Variants in SETBP1 observed in about 807,000 individuals in gnomAD.
SETBP1 encodes the protein SET-binding protein.
In SETBP1, 9 loss-of-function variants were observed where a neutral mutation model predicts 101.0. The ratio of observed to expected loss-of-function variants is 0.09; its 90% CI spans 0.05 to 0.16. SETBP1 has a LOEUF of 0.16. SETBP1 is among the 10% of genes least tolerant of loss of function. The pLI is 1.00. For synonymous variants in SETBP1, 818 were observed against 788.5 expected (o/e 1.04, Z -0.63); for missense variants, 1,858 against 2,033.8 (o/e 0.91, Z 1.66).
At chr18:45,010,396 A>G (rs913398787) in intron 4 of SETBP1, among the ~76,000 whole-genome samples, 1 of 152,222 alleles carries the variant, frequency 6.6e-6, no homozygotes, top group Admixed American at 6.5e-5. Context: ...ACTTTTGTAA[A>G]TTACATATGT....
At chr18:44,832,700 A>C (rs887414080) in intron 2 of SETBP1, among the ~76,000 whole-genome samples, 19 of 152,136 alleles carry the variant, frequency 1.2e-4, no homozygotes, top group Admixed American at 9.8e-4. Flanking sequence ...TGGGCCCACC[A>C]GGTTCTCATT....
rs1022819626 is a variant in SETBP1 at position 44,930,296 on chromosome 18, G to A, written c.541-19585G>A. ...TCCCAGGGATGAAGCCAACTTGATCGTGGTGGATAAGCTTTTTGATGTGCT... is the reference window on the plus strand; with the variant it reads ...TCCCAGGGATGAAGCCAACTTGATCATGGTGGATAAGCTTTTTGATGTGCT... On this transcript the variant is annotated intron_variant, in intron 3 of 5. Transcript: ENST00000649279. Among the ~76,000 whole-genome samples the A allele has an allele frequency of 7.9e-5, 12 of 152,262 alleles. No homozygotes were observed. In the South Asian group the frequency reaches 1.0e-3, roughly 13 times the overall value.
chr18:44,776,318 C>A (rs554932651), intron 2 of SETBP1, among the ~76,000 whole-genome samples: 1 of 152,178 alleles, frequency 6.6e-6, no homozygotes, highest in Non-Finnish European at 1.5e-5. Flanking sequence ...GCCCTCTTTT[C>A]GCTCCATAGC....
At chr18:45,017,807 C>A (rs2072978973) in intron 4 of SETBP1, among the ~76,000 whole-genome samples, 1 of 152,246 alleles carries the variant, frequency 6.6e-6, no homozygotes, top group South Asian at 2.1e-4. Context: ...GCCCACCACA[C>A]TGCGTCCCTA....
chr18:44,717,914 C>CTGTGTG (rs5824555), intron 2 of SETBP1, among the ~76,000 whole-genome samples: 2 of 150,484 alleles, frequency 1.3e-5, no homozygotes, highest in Non-Finnish European at 3.0e-5. Context: ...ATATATGCAT[C>CTGTGTG]TGTGTGTGTG....
chr18:44,912,782 C>G (rs982414119), intron 3 of SETBP1, among the ~76,000 whole-genome samples: 1 of 152,170 alleles, frequency 6.6e-6, no homozygotes, highest in Non-Finnish European at 1.5e-5. Flanking sequence ...TGTGCACCAT[C>G]GTGTACACAA....
chr18:45,033,428 C>G lies in SETBP1; in HGVS notation c.4001-5057C>G, dbSNP rs1043025013. 3.3e-5 allele frequency among the ~76,000 whole-genome samples: 5 copies of G among 152,324 alleles called. No individual in the cohort carries two copies. In the East Asian group the frequency reaches 9.6e-4, roughly 29 times the overall value. ...CCTCTTGTCCTCCACAGGGATGCTG[C>G]AAGGGACAAATAGCATAATGCATAT... On this transcript the variant is annotated intron_variant, in intron 4 of 5. Transcript: ENST00000649279.
chr18:45,003,288 AT>A (rs1430856286), intron 4 of SETBP1, among the ~76,000 whole-genome samples: 1 of 152,184 alleles, frequency 6.6e-6, no homozygotes, highest in African/African-American at 2.4e-5. Context: ...CCTGGGCTTT[AT>A]TGATTGGCTC....
At chr18:44,926,983 G>C (rs1436006689) in intron 3 of SETBP1, among the ~76,000 whole-genome samples, 3 of 152,146 alleles carry the variant, frequency 2.0e-5, no homozygotes, top group African/African-American at 7.2e-5. Flanking sequence ...CATGTCTCCT[G>C]ATGGAAGGGC....
chr18:44,942,034 T>A (rs550936183), intron 3 of SETBP1, among the ~76,000 whole-genome samples: 2 of 152,314 alleles, frequency 1.3e-5, no homozygotes, highest in East Asian at 3.9e-4. Context: ...ATAAACTGAT[T>A]TTGTTGTTTT....
chr18:44,750,586 G>C (rs2070360527), intron 2 of SETBP1, among the ~76,000 whole-genome samples: 1 of 152,190 alleles, frequency 6.6e-6, no homozygotes, highest in South Asian at 2.1e-4. Flanking sequence ...CTTGGGAGAT[G>C]TTTTAGGGTC....
rs562029073 is a variant in SETBP1, at chr18:44,924,569, C to T, written c.541-25312C>T. ...GAGGTTCAGAGGAACAGTGAATGCA[C>T]TAGAAACCAGGTTTGTTAATATGCT... On this transcript the variant is annotated intron_variant, in intron 3 of 5. Transcript: ENST00000649279. 5.3e-5 allele frequency among the ~76,000 whole-genome samples: 8 copies of T among 152,236 alleles called. No homozygotes were observed. The South Asian group carries it at 8.3e-4, about 16-fold the overall frequency.
chr18:44,975,430 T>A (rs887723024), intron 4 of SETBP1, among the ~76,000 whole-genome samples: 1 of 152,148 alleles, frequency 6.6e-6, no homozygotes, highest in Non-Finnish European at 1.5e-5. Context: ...CGTTAGCAAT[T>A]CCATCATTTA....
intron 4 of SETBP1, chr18:44,988,767 G>A (rs1484217864): frequency 3.9e-5 from 6 of 152,160 alleles, no homozygotes; most frequent in South Asian, 2.1e-4. Context: ...GACTGAAATA[G>A]CATATAGCCC....
intron 2 of SETBP1, among the ~76,000 whole-genome samples, chr18:44,820,676 C>T (rs1305077962): frequency 2.6e-5 from 4 of 152,186 alleles, no homozygotes; most frequent in Non-Finnish European, 5.9e-5. Context: ...GTGCTCACTT[C>T]CTGGGAATGC....
intron 3 of SETBP1, among the ~76,000 whole-genome samples, chr18:44,901,151 G>A (rs1421110384): frequency 6.6e-6 from 1 of 152,058 alleles, no homozygotes. Flanking sequence ...TTTTGTTGGG[G>A]GAATTAGCCA....
chr18:44,772,221 T>A (rs1786291127), intron 2 of SETBP1, among the ~76,000 whole-genome samples: 1 of 152,204 alleles, frequency 6.6e-6, no homozygotes, highest in African/African-American at 2.4e-5. Flanking sequence ...TGCAGGCTTT[T>A]CCTCTTTTCT....
chr18:44,851,295 G>C (rs1163065332), intron 2 of SETBP1, among the ~76,000 whole-genome samples: 1 of 152,200 alleles, frequency 6.6e-6, no homozygotes, highest in Non-Finnish European at 1.5e-5. Context: ...TCTTCATTTG[G>C]ATGGTAGTGA....
chr18:44,931,235 G>T (rs2070826569), intron 3 of SETBP1, among the ~76,000 whole-genome samples: 1 of 152,200 alleles, frequency 6.6e-6, no homozygotes, highest in Non-Finnish European at 1.5e-5. Flanking sequence ...CAGTTTCCAT[G>T]TAGTTGAGCG....
Sources: gnomAD v4.1 joint callset for allele counts (sites outside exome capture counted in the v4.1 genomes callset) on GRCh38, gnomAD v4.1.1 for gene constraint, MANE v1.5 for transcripts, NCBI Gene and HGNC (gene_info 2026-07-23, HGNC 2026-07-21) for gene names.